The following MECOM variants were observed in gnomAD, a reference collection of about 807,000 sequenced individuals.
MECOM encodes the protein MDS1 and EVI1 complex locus.
MECOM carries 13 observed loss-of-function variants against 116.3 expected under a neutral mutation model. The observed-to-expected ratio is 0.11, with a 90% CI of 0.07 to 0.18. MECOM has a LOEUF of 0.18. Ranked by LOEUF, MECOM falls within the 10% of genes least tolerant of loss-of-function variation. MECOM has a pLI of 1.00. For missense variants in MECOM, 1,299 were observed against 1,509.0 expected, an observed-to-expected ratio of 0.86 and a Z score of 2.31; for synonymous variants, 528 against 535.2, an observed-to-expected ratio of 0.99 and a Z score of 0.19.
intron 2 of MECOM, among the ~76,000 whole-genome samples, chr3:169,349,333 C>T (rs761709512): frequency 1.5e-4 from 23 of 151,882 alleles, no homozygotes; most frequent in Non-Finnish European, 2.4e-4. Flanking sequence ...GAAAACAGGA[C>T]GATACTATTA....
At chr3:169,149,431 G>C (rs967245086) in intron 2 of MECOM, 35 of 181,488 alleles carry the variant, frequency 1.9e-4, no homozygotes, top group African/African-American at 5.7e-4. Flanking sequence ...CTTCGGGTGG[G>C]GGGAGGCGGA....
In MECOM at chr3:169,663,477, T is replaced by C. The variant is rs1776595262; in HGVS notation, c.-105A>G. 6.4e-5 allele frequency: 1 copy of C among 15,744 alleles called. No individual in the cohort carries two copies. Among genetic ancestry groups the C allele is most frequent in the Non-Finnish European group, 1.3e-4 (1 of 7,770 alleles). The allele number at this position is 15,744 out of a possible 1,614,324, so 1.0% of individuals were successfully genotyped here. On this transcript the variant is annotated 5_prime_UTR_variant, in exon 1 of 17. Transcript: ENST00000651503. ...TCGCTCCCTCCCTCTCTCTCCTGTCTCTCTCTCTCTCTCTCTCTCTCTCTC... is the reference window on the plus strand; with the variant it reads ...TCGCTCCCTCCCTCTCTCTCCTGTCCCTCTCTCTCTCTCTCTCTCTCTCTC...
intron 2 of MECOM, among the ~76,000 whole-genome samples, chr3:169,262,062 T>C (rs917192045): frequency 6.6e-6 from 1 of 152,174 alleles, no homozygotes; most frequent in Non-Finnish European, 1.5e-5. Context: ...CGCCCCAATC[T>C]AGGAGCTTGG....
intron 1 of MECOM, among the ~76,000 whole-genome samples, chr3:169,406,261 C>G (rs1450499764): frequency 6.6e-6 from 1 of 152,198 alleles, no homozygotes; most frequent in East Asian, 1.9e-4. Context: ...AAACCAGATC[C>G]TGTTCCTGGC....
At chr3:169,122,801 A>C in intron 5 of MECOM, 74 bp from the exon 6 acceptor site, 1 of 1,512,842 alleles carries the variant, frequency 6.6e-7, no homozygotes, top group East Asian at 2.3e-5. Flanking sequence ...TTGTTAATCC[A>C]ACTGGTAATT....
At chr3:169,285,518 G>C (rs980914429) in intron 2 of MECOM, among the ~76,000 whole-genome samples, 1 of 152,186 alleles carries the variant, frequency 6.6e-6, no homozygotes, top group African/African-American at 2.4e-5. Flanking sequence ...ATAGCAAGTT[G>C]AATCTCCGAA....
chr3:169,663,633 T>C lies in MECOM; in HGVS notation c.-261A>G, dbSNP rs923555367. 3 of 559,036 alleles carry C rather than the reference T, an allele frequency of 5.4e-6. No individual in the cohort carries two copies. Among genetic ancestry groups the C allele is most frequent in the Non-Finnish European group, 9.5e-6 (3 of 314,152 alleles). 34.6% of individuals were successfully genotyped at this position (559,036 alleles called of 1,614,324 possible). A position where few individuals can be genotyped will look rare whatever the true frequency, so the allele number is the denominator to read the frequency against. On this transcript the variant is annotated 5_prime_UTR_variant, in exon 1 of 17. Transcript: ENST00000651503. ...CCCTCCCTCTCTCCCTTTCTCTCAA[T>C]CCACACTCGCTATCTCTCCAGCATT...
At chr3:169,382,557 A>G (rs924219123) in intron 1 of MECOM, among the ~76,000 whole-genome samples, 5 of 151,678 alleles carry the variant, frequency 3.3e-5, no homozygotes, top group East Asian at 2.0e-4. Flanking sequence ...AAATGAATAC[A>G]TTTCTTGTCT....
intron 1 of MECOM, among the ~76,000 whole-genome samples, chr3:169,410,017 G>A (rs184648875): frequency 1.3e-5 from 2 of 152,262 alleles, no homozygotes; most frequent in African/African-American, 4.8e-5. Context: ...TGAAATCTGA[G>A]GCCTAATTTG....
chr3:169,263,077 CTATATATATATATATATA>C lies in MECOM; in HGVS notation c.375+118092_375+118109del, dbSNP rs748506622. Among the ~76,000 whole-genome samples, 209 of 32,930 alleles carry C rather than the reference CTATATATATATATATATA, an allele frequency of 6.3e-3. 6 individuals are homozygous for C. The highest frequency in any genetic ancestry group is 0.014 in the African/African-American group (131 of 9,626). 21.6% of individuals were successfully genotyped at this position (32,930 alleles called of 152,430 possible). ...TATTTGTTGCCTTTTTTTCAAGATG[CTATATATATATATATATA>C]TATATATATATATATATATATATAT... is the stretch of plus-strand genomic sequence containing the variant. On this transcript the variant is annotated intron_variant, in intron 2 of 16. Coordinates refer to ENST00000651503, the MANE Select transcript of MECOM (RefSeq NM_004991.4).
intron 1 of MECOM, among the ~76,000 whole-genome samples, chr3:169,553,463 T>A (rs1216830637): frequency 6.6e-6 from 1 of 152,214 alleles, no homozygotes; most frequent in South Asian, 2.1e-4. Flanking sequence ...CAAGTACCTA[T>A]AAGAGCATTT....
At chr3:169,460,168 T>G (rs1747197145) in intron 1 of MECOM, among the ~76,000 whole-genome samples, 1 of 152,116 alleles carries the variant, frequency 6.6e-6, no homozygotes, top group Non-Finnish European at 1.5e-5. Context: ...ACACCCTCCA[T>G]GAACTGAATC....
At chr3:169,215,771 T>A (rs1253871429) in intron 2 of MECOM, among the ~76,000 whole-genome samples, 1 of 152,206 alleles carries the variant, frequency 6.6e-6, no homozygotes, top group Non-Finnish European at 1.5e-5. Flanking sequence ...AGGCCTAATA[T>A]TGTTAATTTA....
intron 2 of MECOM, among the ~76,000 whole-genome samples, chr3:169,248,983 A>G (rs1755927832): frequency 6.6e-6 from 1 of 152,118 alleles, no homozygotes; most frequent in Non-Finnish European, 1.5e-5. Flanking sequence ...AAGTACGTTC[A>G]TCTCTCCATC....
At chr3:169,383,302 G>T (rs9843971) in intron 1 of MECOM, among the ~76,000 whole-genome samples, 111 of 152,186 alleles carry the variant, frequency 7.3e-4, no homozygotes, top group African/African-American at 2.6e-3. Flanking sequence ...ATACCTATGG[G>T]ACATAGGTTC....
intron 1 of MECOM, among the ~76,000 whole-genome samples, chr3:169,515,020 A>T (rs1756449379): frequency 6.6e-6 from 1 of 152,188 alleles, no homozygotes; most frequent in Admixed American, 6.5e-5. Flanking sequence ...GCAGATCAAG[A>T]CTGTCCTCAG....
At chr3:169,355,455 CCA>C (rs1727108214) in intron 2 of MECOM, among the ~76,000 whole-genome samples, 1 of 151,850 alleles carries the variant, frequency 6.6e-6, no homozygotes, top group African/African-American at 2.4e-5. Flanking sequence ...TAATCTTCTA[CCA>C]AACAACTTGT....
At chr3:169,643,993 C>T (rs1773822131) in intron 1 of MECOM, among the ~76,000 whole-genome samples, 1 of 152,106 alleles carries the variant, frequency 6.6e-6, no homozygotes, top group Admixed American at 6.5e-5. Context: ...TTCACCCCCT[C>T]GTACGCATTG....
chr3:169,331,371 A>C (rs1722681443), intron 2 of MECOM, among the ~76,000 whole-genome samples: 1 of 152,074 alleles, frequency 6.6e-6, no homozygotes, highest in African/African-American at 2.4e-5. Context: ...CCTACCTAAT[A>C]CAGTGGTTTT....
Sources: allele counts gnomAD v4.1 joint callset (sites outside exome capture counted in the v4.1 genomes callset), GRCh38; gene constraint gnomAD v4.1.1; transcripts MANE v1.5; gene names NCBI Gene and HGNC (gene_info 2026-07-23, HGNC 2026-07-21).